Variants in EYA2 observed in about 807,000 individuals in gnomAD.
EYA2 encodes the protein protein phosphatase EYA2.
EYA2 carries 31 observed loss-of-function variants against 69.2 expected under a neutral mutation model. That is an observed-to-expected ratio of 0.45 (90% CI 0.34 to 0.60). The LOEUF is 0.60. Ranked by LOEUF, EYA2 falls within the 20% of genes least tolerant of loss-of-function variation. The probability of loss-of-function intolerance (pLI) is 0.02; values close to 1 mark genes in which losing one functional copy is unlikely to be tolerated. For synonymous variants in EYA2, 257 were observed against 279.4 expected, an observed-to-expected ratio of 0.92 and a Z score of 0.80; for missense variants, 622 against 701.2, an observed-to-expected ratio of 0.89 and a Z score of 1.28.
chr20:47,004,578 G>A (rs6124912), intron 3 of EYA2, among the ~76,000 whole-genome samples: 49,911 of 152,072 alleles, frequency 0.33, 8,477 homozygotes, highest in African/African-American at 0.42. Flanking sequence ...GGGTGTTTCC[G>A]TATCATGGCT....
chr20:47,183,454 A>G (rs2034577363), intron 15 of EYA2, 63 bp downstream of exon 15: 2 of 1,463,074 alleles, frequency 1.4e-6, no homozygotes, highest in Admixed American at 3.8e-5. Context: ...GTGGTCTTCA[A>G]GGGCTCCTTC....
chr20:46,904,156 G>C (rs1012734868), intron 1 of EYA2, among the ~76,000 whole-genome samples: 3 of 152,098 alleles, frequency 2.0e-5, no homozygotes, highest in Non-Finnish European at 4.4e-5. Flanking sequence ...CCCTCTCAAC[G>C]TCCCAGACAT....
intron 1 of EYA2, among the ~76,000 whole-genome samples, chr20:46,959,842 C>T (rs1282816846): frequency 3.3e-5 from 5 of 152,064 alleles, no homozygotes; most frequent in Admixed American, 6.5e-5. Context: ...TGCACCTGGC[C>T]GGCCAGCCAG....
At chr20:46,964,279 G>A (rs888922466) in intron 1 of EYA2, among the ~76,000 whole-genome samples, 4 of 152,190 alleles carry the variant, frequency 2.6e-5, no homozygotes, top group Non-Finnish European at 5.9e-5. Context: ...TTAGTGGGGG[G>A]CATGACAAGG....
chr20:47,143,296 C>T (rs781117927), intron 10 of EYA2, 148 bp downstream of exon 10: 11 of 649,004 alleles, frequency 1.7e-5, no homozygotes, highest in Non-Finnish European at 2.3e-5. Context: ...GCTAACAACC[C>T]CCAAAAAGGC....
intron 1 of EYA2, among the ~76,000 whole-genome samples, chr20:46,963,588 A>C (rs1327663733): frequency 2.6e-5 from 4 of 152,210 alleles, no homozygotes; most frequent in African/African-American, 7.2e-5. Context: ...CTCACTGGGG[A>C]TTGTTTTTAA....
At chr20:47,004,873 G>A (rs777409923) in intron 3 of EYA2, 69 bp from the exon 4 acceptor site, 10 of 1,607,616 alleles carry the variant, frequency 6.2e-6, no homozygotes, top group Non-Finnish European at 8.5e-6. Flanking sequence ...TGGGGGTGTT[G>A]ATATCAAGAT....
chr20:47,001,345 T>A (rs1329322599), intron 2 of EYA2, 83 bp from the exon 3 acceptor site: 1 of 1,218,434 alleles, frequency 8.2e-7, no homozygotes, highest in African/African-American at 1.5e-5. Flanking sequence ...CTGCTCCTGC[T>A]TAAGTGGTGT....
In EYA2 at chr20:47,172,870, G is replaced by T. The variant is rs2146656895; in HGVS notation, c.1198+3G>T. The T allele has an allele frequency of 6.2e-7, 1 of 1,605,910 alleles. No individual in the cohort carries two copies. The highest frequency in any genetic ancestry group is 8.5e-7 in the Non-Finnish European group (1 of 1,175,054). ...TACCTACAAGAACAACGTTGGTGGT[G>T]AGTACTGTGAGCCTTGGGCCTCCGA... On this transcript the variant is annotated splice_donor_region_variant and intron_variant, in intron 12 of 15. Coordinates refer to ENST00000327619, the MANE Select transcript of EYA2 (RefSeq NM_005244.5).
intron 10 of EYA2, among the ~76,000 whole-genome samples, chr20:47,167,910 A>G (rs2034236488): frequency 6.6e-6 from 1 of 152,164 alleles, no homozygotes; most frequent in African/African-American, 2.4e-5. Flanking sequence ...GCTCAGCTTC[A>G]GTCCTGACTG....
chr20:46,909,803 A>G (rs1984558018), intron 1 of EYA2, among the ~76,000 whole-genome samples: 1 of 152,152 alleles, frequency 6.6e-6, no homozygotes, highest in South Asian at 2.1e-4. Flanking sequence ...AATTGTACCT[A>G]TAGGTATGCC....
chr20:47,130,405 C>T (rs1268005521), intron 9 of EYA2, among the ~76,000 whole-genome samples: 1 of 150,316 alleles, frequency 6.7e-6, no homozygotes, highest in African/African-American at 2.5e-5. Flanking sequence ...GCTGGGACTA[C>T]AGGCGCCCGC....
At chr20:47,113,078 GACCGGGCT>G (rs2032795095) in intron 9 of EYA2, among the ~76,000 whole-genome samples, 1 of 151,722 alleles carries the variant, frequency 6.6e-6, no homozygotes, top group Non-Finnish European at 1.5e-5. Context: ...TCACCATGTT[GACCGGGCT>G]GGTCTTGAAC....
chr20:46,997,227 C>T lies in EYA2; in HGVS notation c.110-4201C>T, dbSNP rs1014660689. On this transcript the variant is annotated intron_variant, in intron 2 of 15. Transcript: ENST00000327619. ...TCACTAACGTGAGAACATGATAAAACTTACTCACTATCATGAGAACAGGAT... is the reference window on the plus strand; with the variant it reads ...TCACTAACGTGAGAACATGATAAAATTTACTCACTATCATGAGAACAGGAT... 5.9e-5 allele frequency among the ~76,000 whole-genome samples: 9 copies of T among 152,302 alleles called. No individual in the cohort carries two copies. In the East Asian group the frequency reaches 1.5e-3, roughly 26 times the overall value.
At chr20:46,946,659 C>G (rs1978475743) in intron 1 of EYA2, among the ~76,000 whole-genome samples, 1 of 151,332 alleles carries the variant, frequency 6.6e-6, no homozygotes, top group African/African-American at 2.4e-5. Context: ...AACTACTCAA[C>G]TCTGCTCTTA....
chr20:46,978,055 G>A (rs895547437), intron 1 of EYA2, among the ~76,000 whole-genome samples: 2 of 152,244 alleles, frequency 1.3e-5, no homozygotes, highest in Non-Finnish European at 2.9e-5. Flanking sequence ...TCTGCCCACG[G>A]CTCCAGGTAG....
Position 47,156,167 on chromosome 20 carries a change from T to C in EYA2, c.979-12972T>C, listed in dbSNP as rs183761239. Among the ~76,000 whole-genome samples, 132 of 60,508 alleles carry C rather than the reference T, an allele frequency of 2.2e-3. 4 individuals carry two copies. The highest frequency in any genetic ancestry group is 3.3e-3 in the Admixed American group (20 of 6,010). The allele number at this position is 60,508 out of a possible 152,430, so 39.7% of individuals were successfully genotyped here. A position where few individuals can be genotyped will look rare whatever the true frequency, so the allele number is the denominator to read the frequency against. ...ATATATATATATATATATATATATA[T>C]ATATATATATATATATATTAGCCGG... is the stretch of plus-strand genomic sequence containing the variant. On this transcript the variant is annotated intron_variant, in intron 10 of 15. Coordinates refer to ENST00000327619, the MANE Select transcript of EYA2 (RefSeq NM_005244.5).
At chr20:46,994,465 G>T (rs1337553243) in intron 2 of EYA2, among the ~76,000 whole-genome samples, 2 of 152,122 alleles carry the variant, frequency 1.3e-5, no homozygotes, top group East Asian at 3.9e-4. Flanking sequence ...TCCAAGGAGA[G>T]GTGAAACCAC....
At chr20:46,989,377 T>TGCC in intron 1 of EYA2, among the ~76,000 whole-genome samples, 1 of 152,154 alleles carries the variant, frequency 6.6e-6, no homozygotes, top group East Asian at 1.9e-4. Flanking sequence ...GCGATTCTCC[T>TGCC]GCCTCAGCCT....
Sources: gnomAD v4.1 joint callset for allele counts (sites outside exome capture counted in the v4.1 genomes callset) on GRCh38, gnomAD v4.1.1 for gene constraint, MANE v1.5 for transcripts, NCBI Gene and HGNC (gene_info 2026-07-23, HGNC 2026-07-21) for gene names.